The following RPF2 variants were observed in gnomAD, a reference collection of about 807,000 sequenced individuals.
RPF2 encodes the protein brix domain containing 1.
A neutral mutation model predicts 38.9 loss-of-function variants in RPF2; 21 were observed. The ratio of observed to expected loss-of-function variants is 0.54; its 90% CI spans 0.38 to 0.78. RPF2 has a LOEUF of 0.78. Ranked by LOEUF, RPF2 falls within the 30% of genes least tolerant of loss-of-function variation. The pLI is 0.00. For synonymous variants in RPF2, 121 were observed against 126.2 expected (o/e 0.96, Z 0.28); for missense variants, 314 against 358.1 (o/e 0.88, Z 0.99).
chr6:110,985,907 G>A (rs1327091473), intron 2 of RPF2, among the ~76,000 whole-genome samples: 1 of 144,398 alleles, frequency 6.9e-6, no homozygotes, highest in Non-Finnish European at 1.5e-5. Flanking sequence ...CACTGCTCCA[G>A]CCTGAGTGAC....
chr6:111,003,088 C>A (rs1428838442), intron 6 of RPF2, among the ~76,000 whole-genome samples: 4 of 143,466 alleles, frequency 2.8e-5, no homozygotes, highest in South Asian at 2.5e-4. Context: ...TACCCCCCCC[C>A]CTTTTTTTTT....
chr6:111,019,568 C>A (rs887265435), intron 8 of RPF2, among the ~76,000 whole-genome samples: 1 of 152,000 alleles, frequency 6.6e-6, no homozygotes, highest in Non-Finnish European at 1.5e-5. Flanking sequence ...ATAACACCGT[C>A]GCTACTAAAA....
In RPF2 at chr6:111,027,793, G is replaced by A. The variant is rs1335054583; in HGVS notation, c.*2211G>A. On this transcript the variant is annotated 3_prime_UTR_variant, in exon 10 of 10. Coordinates refer to ENST00000441448, the MANE Select transcript of RPF2 (RefSeq NM_032194.3). ...GAATGCTTCCTATTTGCTGATAGAA[G>A]TACCAAATAGTATTATTGAAGTCTA... The A allele has an allele frequency of 6.6e-6, 1 of 152,220 alleles. No individual in the cohort carries two copies. The highest frequency in any genetic ancestry group is 1.5e-5 in the Non-Finnish European group (1 of 68,036). The allele number at this position is 152,220 out of a possible 1,614,324, so 9.4% of individuals were successfully genotyped here. A position where few individuals can be genotyped will look rare whatever the true frequency, so the allele number is the denominator to read the frequency against.
chr6:110,999,548 C>T (rs958101317), intron 5 of RPF2, among the ~76,000 whole-genome samples, 163 bp from the exon 6 acceptor site: 1 of 151,862 alleles, frequency 6.6e-6, no homozygotes, highest in African/African-American at 2.4e-5. Context: ...TCATAAAAAT[C>T]AATAAGTAGA....
intron 7 of RPF2, among the ~76,000 whole-genome samples, chr6:111,013,540 T>C (rs759300695): frequency 6.6e-6 from 1 of 152,252 alleles, no homozygotes; most frequent in Non-Finnish European, 1.5e-5. Context: ...TCCTTTTATA[T>C]TCATAGTCTT....
At chr6:111,015,688 G>A in intron 7 of RPF2, 66 bp from the exon 8 acceptor site, 1 of 1,138,106 alleles carries the variant, frequency 8.8e-7, no homozygotes, top group Non-Finnish European at 1.3e-6. Context: ...TTAGAGTGCA[G>A]TTCTTTGTAA....
chr6:111,009,463 G>A (rs1400223576), intron 7 of RPF2, among the ~76,000 whole-genome samples: 1 of 151,888 alleles, frequency 6.6e-6, no homozygotes, highest in Non-Finnish European at 1.5e-5. Context: ...AAAATGCTGG[G>A]ATTACAGGCA....
intron 6 of RPF2, among the ~76,000 whole-genome samples, chr6:111,004,069 T>C (rs541642141): frequency 6.6e-6 from 1 of 152,126 alleles, no homozygotes; most frequent in African/African-American, 2.4e-5. Flanking sequence ...CACCTTGGCC[T>C]CCCAAAGTGC....
chr6:111,016,876 G>C (rs1380479472), intron 8 of RPF2, among the ~76,000 whole-genome samples: 1 of 151,278 alleles, frequency 6.6e-6, no homozygotes, highest in Non-Finnish European at 1.5e-5. Context: ...TTAGGGAGTG[G>C]TGATGACTCT....
intron 4 of RPF2, among the ~76,000 whole-genome samples, chr6:110,994,734 T>TATATATATATATACACACACACACAC (rs1436106936): frequency 3.0e-5 from 4 of 134,068 alleles, no homozygotes; most frequent in African/African-American, 1.3e-4. Context: ...TGAGTATATA[T>TATATATATATATACACACACACACAC]ACACACACAC....
At chr6:111,006,604 A>G (rs1422593062) in intron 6 of RPF2, among the ~76,000 whole-genome samples, 1 of 152,022 alleles carries the variant, frequency 6.6e-6, no homozygotes, top group Non-Finnish European at 1.5e-5. Flanking sequence ...CAAATAAATT[A>G]TAATTAAACT....
At chr6:110,989,536 T>TA (rs1421803831) in intron 3 of RPF2, among the ~76,000 whole-genome samples, 3 of 152,076 alleles carry the variant, frequency 2.0e-5, no homozygotes, top group African/African-American at 7.2e-5. Context: ...CTACAACCTC[T>TA]AACTCTGGGT....
chr6:110,989,187 T>C, intron 3 of RPF2, 122 bp downstream of exon 3: 1 of 997,324 alleles, frequency 1.0e-6, no homozygotes, highest in Non-Finnish European at 1.3e-6. Context: ...CTTACAGTTA[T>C]TAATATTTTA....
At chr6:111,018,195 A>G (rs1583275041) in intron 8 of RPF2, among the ~76,000 whole-genome samples, 1 of 102,620 alleles carries the variant, frequency 9.7e-6, no homozygotes, top group Non-Finnish European at 2.0e-5. Flanking sequence ...CATCAGGGGG[A>G]GACCGGGGAG....
chr6:110,996,100 G>A (rs975245142), intron 4 of RPF2, among the ~76,000 whole-genome samples: 1 of 150,166 alleles, frequency 6.7e-6, no homozygotes, highest in Non-Finnish European at 1.5e-5. Context: ...TTACAGACGT[G>A]AGCCACTGCA....
At chr6:110,996,425 G>A (rs1406474965) in intron 4 of RPF2, among the ~76,000 whole-genome samples, 1 of 152,020 alleles carries the variant, frequency 6.6e-6, no homozygotes, top group East Asian at 1.9e-4. Context: ...GTGACCTCAG[G>A]TGATCCGTCT....
chr6:110,986,990 C>G (rs2114290078), intron 2 of RPF2, among the ~76,000 whole-genome samples: 1 of 151,434 alleles, frequency 6.6e-6, no homozygotes, highest in East Asian at 1.9e-4. Context: ...GTGGAGATAT[C>G]TAGTAGGTTA....
chr6:110,982,677 T>C (rs1771452934), intron 1 of RPF2, among the ~76,000 whole-genome samples: 2 of 152,202 alleles, frequency 1.3e-5, no homozygotes, highest in Admixed American at 1.3e-4. Context: ...TCCTCTGAGT[T>C]ATCCTTGAAT....
chr6:111,024,347 G>A lies in RPF2; in HGVS notation c.741+20G>A, dbSNP rs750213535. On this transcript the variant is annotated intron_variant, in intron 9 of 9. Transcript: ENST00000441448. ...CTCAAGGTATATAACTTAGAGCTTGGTACCACATTTATTTGTATTTTCTAC... is the reference window on the plus strand; with the variant it reads ...CTCAAGGTATATAACTTAGAGCTTGATACCACATTTATTTGTATTTTCTAC... The A allele has an allele frequency of 6.4e-7, 1 of 1,572,828 alleles. No homozygotes were observed. Among genetic ancestry groups the A allele is most frequent in the Non-Finnish European group, 8.6e-7 (1 of 1,164,298 alleles).
Sources: allele counts gnomAD v4.1 joint callset (sites outside exome capture counted in the v4.1 genomes callset), GRCh38; gene constraint gnomAD v4.1.1; transcripts MANE v1.5; gene names NCBI Gene and HGNC (gene_info 2026-07-23, HGNC 2026-07-21).